Variants in EDIL3 observed in about 807,000 individuals in gnomAD.
EDIL3 encodes EGF-like repeat and discoidin I-like domain-containing protein 3.
A neutral mutation model predicts 67.4 loss-of-function variants in EDIL3; 37 were observed. That is an observed-to-expected ratio of 0.55 (90% CI 0.42 to 0.72). The LOEUF (loss-of-function observed/expected upper bound fraction) is 0.72. Among genes scored for constraint, EDIL3 ranks in the 30% least tolerant of loss-of-function variants. EDIL3 has a pLI of 0.00. For missense variants in EDIL3, 527 were observed against 586.3 expected (o/e 0.90, Z 1.04); for synonymous variants, 195 against 196.3 (o/e 0.99, Z 0.05).
At chr5:84,238,268 C>A (rs899733461) in intron 2 of EDIL3, among the ~76,000 whole-genome samples, 2 of 151,846 alleles carry the variant, frequency 1.3e-5, no homozygotes, top group South Asian at 2.1e-4. Flanking sequence ...AATATCATTG[C>A]CTTTTCATTG....
At position 83,994,444 on chromosome 5, in the gene EDIL3, CAA is replaced by C. The variant is rs3216693; in HGVS notation, c.1138-31086_1138-31085del. 1.8e-3 allele frequency among the ~76,000 whole-genome samples: 265 copies of C among 145,144 alleles called. 1 individual carries two copies. Among genetic ancestry groups the C allele is most frequent in the African/African-American group, 5.9e-3 (237 of 40,074 alleles). ...CTACTATGTAAAGGTTTTTATTTAG[CAA>C]AAAAAAAAATTGCTTTTTCAAAAAT... On this transcript the variant is annotated intron_variant, in intron 9 of 10. Coordinates refer to ENST00000296591, the MANE Select transcript of EDIL3 (RefSeq NM_005711.5).
intron 9 of EDIL3, among the ~76,000 whole-genome samples, chr5:84,021,249 T>C (rs936407281): frequency 6.6e-6 from 1 of 151,988 alleles, no homozygotes; most frequent in African/African-American, 2.4e-5. Context: ...ATCATGTCTT[T>C]CTTTCTGCTA....
intron 1 of EDIL3, among the ~76,000 whole-genome samples, chr5:84,370,108 A>G (rs1747813946): frequency 6.6e-6 from 1 of 152,202 alleles, no homozygotes; most frequent in African/African-American, 2.4e-5. Context: ...TTTTAGAAAG[A>G]TATGTCTATT....
At chr5:84,058,258 T>C (rs1746483039) in intron 9 of EDIL3, among the ~76,000 whole-genome samples, 1 of 152,050 alleles carries the variant, frequency 6.6e-6, no homozygotes, top group Non-Finnish European at 1.5e-5. Context: ...TCTTAGGTTA[T>C]ATTAAGGAAC....
chr5:84,288,673 T>C (rs1745857097), intron 1 of EDIL3, among the ~76,000 whole-genome samples: 1 of 152,150 alleles, frequency 6.6e-6, no homozygotes. Context: ...AGTCTCATCT[T>C]CCTTAAGTCT....
intron 9 of EDIL3, among the ~76,000 whole-genome samples, chr5:84,025,227 G>A (rs929487250): frequency 1.3e-5 from 2 of 152,114 alleles, no homozygotes; most frequent in African/African-American, 2.4e-5. Context: ...CCCAACCCCT[G>A]GGCCATGAAC....
At chr5:84,092,793 GGAA>G (rs1159960379) in intron 6 of EDIL3, among the ~76,000 whole-genome samples, 131 of 77,208 alleles carry the variant, frequency 1.7e-3, no homozygotes, top group African/African-American at 4.4e-3. Context: ...TAACATTTGA[GGAA>G]AAAAAAAACA....
chr5:84,340,548 ATATATAT>A (rs1373205997), intron 1 of EDIL3, among the ~76,000 whole-genome samples: 1 of 115,664 alleles, frequency 8.6e-6, no homozygotes, highest in Non-Finnish European at 1.8e-5. Context: ...ATATATATAT[ATATATAT>A]ATATATATAT....
chr5:84,195,641 A>G (rs1266121370), intron 3 of EDIL3, among the ~76,000 whole-genome samples: 1 of 152,012 alleles, frequency 6.6e-6, no homozygotes, highest in Middle Eastern at 3.2e-3. Context: ...GTTTCTACAG[A>G]TGTGCTGAAT....
intron 9 of EDIL3, among the ~76,000 whole-genome samples, chr5:83,998,495 GT>G (rs749426293): frequency 3.0e-4 from 45 of 152,270 alleles, no homozygotes; most frequent in Non-Finnish European, 8.8e-5. Context: ...GGCTTTTGGT[GT>G]GATCCAGCAC....
intron 10 of EDIL3, among the ~76,000 whole-genome samples, chr5:83,952,823 G>T (rs1435619646): frequency 6.6e-6 from 1 of 151,822 alleles, no homozygotes; most frequent in Admixed American, 6.6e-5. Context: ...CGCATTAGGA[G>T]ACTTTTCCTC....
At chr5:84,054,421 C>T (rs1030685670) in intron 9 of EDIL3, among the ~76,000 whole-genome samples, 69 of 152,324 alleles carry the variant, frequency 4.5e-4, no homozygotes, top group African/African-American at 1.7e-3. Flanking sequence ...CCCTCTCTCA[C>T]CACTCCTATT....
chr5:84,166,125 A>C (rs905736065), intron 4 of EDIL3, among the ~76,000 whole-genome samples: 4 of 152,088 alleles, frequency 2.6e-5, no homozygotes, highest in Admixed American at 6.6e-5. Flanking sequence ...TTATCTAACA[A>C]TTATTTGTTT....
At chr5:84,024,168 A>T (rs1198083261) in intron 9 of EDIL3, among the ~76,000 whole-genome samples, 3 of 152,188 alleles carry the variant, frequency 2.0e-5, no homozygotes, top group Admixed American at 1.3e-4. Flanking sequence ...GCATGCTATG[A>T]CTAAGCAGAC....
intron 4 of EDIL3, among the ~76,000 whole-genome samples, chr5:84,174,221 C>T (rs536215079): frequency 1.3e-5 from 2 of 152,294 alleles, no homozygotes; most frequent in East Asian, 3.9e-4. Flanking sequence ...ACTGCCTCTC[C>T]TGCAGAGAGA....
At chr5:84,083,686 T>A (rs890259271) in intron 6 of EDIL3, among the ~76,000 whole-genome samples, 2 of 152,180 alleles carry the variant, frequency 1.3e-5, no homozygotes, top group East Asian at 3.9e-4. Flanking sequence ...ATCTGAGTCT[T>A]AAAGTTGTCC....
intron 1 of EDIL3, among the ~76,000 whole-genome samples, chr5:84,259,755 C>A (rs986212534): frequency 6.6e-6 from 1 of 152,142 alleles, no homozygotes; most frequent in Non-Finnish European, 1.5e-5. Context: ...GTGATTTAGG[C>A]ACTATCTTAT....
At chr5:84,227,117 T>C (rs1010218534) in intron 3 of EDIL3, among the ~76,000 whole-genome samples, 6 of 151,938 alleles carry the variant, frequency 3.9e-5, no homozygotes, top group Admixed American at 3.9e-4. Context: ...TAGAAAATGA[T>C]GGCTGCTGTC....
rs910529788 is a variant in EDIL3, at chr5:84,143,137, C to A, written c.356-5783G>T. ...TTGAATTTCTATTTAAGATGAATTTCTAGGAATTTGATTCTCCCACTCAGA... is the reference window on the plus strand; with the variant it reads ...TTGAATTTCTATTTAAGATGAATTTATAGGAATTTGATTCTCCCACTCAGA... On this transcript the variant is annotated intron_variant, in intron 4 of 10. Transcript: ENST00000296591. 2.0e-5 allele frequency among the ~76,000 whole-genome samples: 3 copies of A among 151,964 alleles called. No homozygotes were observed. The South Asian group carries it at 6.2e-4, about 32-fold the overall frequency.
Sources: gnomAD v4.1 joint callset for allele counts (sites outside exome capture counted in the v4.1 genomes callset) on GRCh38, gnomAD v4.1.1 for gene constraint, MANE v1.5 for transcripts, NCBI Gene and HGNC (gene_info 2026-07-23, HGNC 2026-07-21) for gene names.